The following DCC variants were observed in gnomAD, a reference collection of about 807,000 sequenced individuals.
DCC encodes netrin receptor DCC.
A neutral mutation model predicts 172.5 loss-of-function variants in DCC; 58 were observed. The ratio of observed to expected loss-of-function variants is 0.34; its 90% CI spans 0.27 to 0.42. The LOEUF (loss-of-function observed/expected upper bound fraction) is 0.42. DCC is among the 10% of genes least tolerant of loss of function. The pLI is 1.00. For missense variants in DCC, 1,740 were observed against 1,791.0 expected, an observed-to-expected ratio of 0.97 and a Z score of 0.51; for synonymous variants, 709 against 644.5, an observed-to-expected ratio of 1.10 and a Z score of -1.52.
At chr18:53,490,200 T>C (rs1295460266) in intron 26 of DCC, among the ~76,000 whole-genome samples, 1 of 151,206 alleles carries the variant, frequency 6.6e-6, no homozygotes. Context: ...ATGGAGTTCA[T>C]AGAGTAATCT....
At chr18:52,592,518 C>A (rs117007377) in intron 1 of DCC, among the ~76,000 whole-genome samples, 2,557 of 152,134 alleles carry the variant, frequency 0.017, 27 homozygotes, top group South Asian at 0.026. Flanking sequence ...TTTCTCCCGG[C>A]AAAACTGGAG....
At chr18:52,365,051 T>C (rs939071226) in intron 1 of DCC, among the ~76,000 whole-genome samples, 2 of 152,178 alleles carry the variant, frequency 1.3e-5, no homozygotes, top group African/African-American at 2.4e-5. Context: ...AATAGAAGGA[T>C]GTGTTTGAAA....
chr18:52,539,677 T>C (rs1469558744), intron 1 of DCC, among the ~76,000 whole-genome samples: 1 of 152,142 alleles, frequency 6.6e-6, no homozygotes, highest in Non-Finnish European at 1.5e-5. Flanking sequence ...CTGGTACCAA[T>C]TATATTTGGA....
At chr18:53,115,848 G>A (rs1046313577) in intron 7 of DCC, among the ~76,000 whole-genome samples, 1 of 151,450 alleles carries the variant, frequency 6.6e-6, no homozygotes, top group Non-Finnish European at 1.5e-5. Flanking sequence ...TTTTCTTTAA[G>A]ACGAATATTT....
chr18:52,687,841 C>A (rs959781294), intron 1 of DCC, among the ~76,000 whole-genome samples: 1 of 152,024 alleles, frequency 6.6e-6, no homozygotes, highest in South Asian at 2.1e-4. Context: ...GGAAACCTGA[C>A]AAACCATACT....
chr18:53,497,803 G>A (rs2144432970), intron 26 of DCC, among the ~76,000 whole-genome samples: 1 of 152,062 alleles, frequency 6.6e-6, no homozygotes, highest in Middle Eastern at 3.4e-3. Flanking sequence ...CCTTAATACT[G>A]TGCATTCATT....
chr18:53,480,483 A>G (rs2045818718), intron 25 of DCC, among the ~76,000 whole-genome samples: 1 of 152,222 alleles, frequency 6.6e-6, no homozygotes, highest in Non-Finnish European at 1.5e-5. Context: ...ATTTGAATTT[A>G]AAAACTATTA....
chr18:53,438,259 T>G (rs898288426), intron 22 of DCC, among the ~76,000 whole-genome samples: 15 of 152,114 alleles, frequency 9.9e-5, no homozygotes, highest in African/African-American at 2.9e-4. Context: ...TTGGTATGGA[T>G]GAATGAGAGA....
intron 1 of DCC, among the ~76,000 whole-genome samples, chr18:52,619,416 G>T (rs1274451408): frequency 7.9e-5 from 12 of 152,140 alleles, no homozygotes; most frequent in Non-Finnish European, 1.5e-4. Flanking sequence ...AGAGCTCTGT[G>T]CCACTCCAGT....
intron 26 of DCC, among the ~76,000 whole-genome samples, chr18:53,488,671 C>T (rs985392009): frequency 4.6e-5 from 7 of 152,104 alleles, no homozygotes; most frequent in African/African-American, 9.6e-5. Flanking sequence ...TAAAGCTCAA[C>T]GAAAATGAAT....
At chr18:52,649,470 G>A (rs532445119) in intron 1 of DCC, among the ~76,000 whole-genome samples, 1 of 151,320 alleles carries the variant, frequency 6.6e-6, no homozygotes, top group South Asian at 2.1e-4. Flanking sequence ...TATAAATGCA[G>A]TTTTGTTACA....
At chr18:52,363,322 G>A (rs1030684822) in intron 1 of DCC, among the ~76,000 whole-genome samples, 1 of 152,180 alleles carries the variant, frequency 6.6e-6, no homozygotes, top group African/African-American at 2.4e-5. Flanking sequence ...TATTTCTAGA[G>A]CTCTTATATT....
intron 7 of DCC, among the ~76,000 whole-genome samples, chr18:53,154,494 G>T (rs897463578): frequency 1.3e-5 from 2 of 152,248 alleles, no homozygotes; most frequent in East Asian, 3.9e-4. Flanking sequence ...AGAGTGACAC[G>T]ACCAGATTTA....
intron 14 of DCC, among the ~76,000 whole-genome samples, chr18:53,325,858 T>C (rs1164708481): frequency 6.6e-6 from 1 of 152,170 alleles, no homozygotes; most frequent in Non-Finnish European, 1.5e-5. Context: ...AGACAGATAA[T>C]GGCTGCACTG....
intron 1 of DCC, among the ~76,000 whole-genome samples, chr18:52,686,634 C>T (rs1461538937): frequency 6.6e-6 from 1 of 152,098 alleles, no homozygotes; most frequent in Non-Finnish European, 1.5e-5. Flanking sequence ...TTATTATGGA[C>T]AATTTCTATT....
intron 12 of DCC, among the ~76,000 whole-genome samples, chr18:53,221,451 G>C (rs1037989923): frequency 4.6e-5 from 7 of 152,168 alleles, no homozygotes; most frequent in South Asian, 4.1e-4. Context: ...AGTGTGGCTA[G>C]ATGAAAAGTG....
At chr18:52,558,556 T>C (rs1043754398) in intron 1 of DCC, among the ~76,000 whole-genome samples, 3 of 152,200 alleles carry the variant, frequency 2.0e-5, no homozygotes, top group Admixed American at 2.0e-4. Context: ...TTCCTCTATT[T>C]TGCCGTGTTC....
intron 1 of DCC, among the ~76,000 whole-genome samples, chr18:52,705,981 C>T (rs1239572284): frequency 2.0e-5 from 3 of 152,120 alleles, no homozygotes; most frequent in African/African-American, 7.2e-5. Flanking sequence ...GTCACCTGGG[C>T]AATCTGTGGA....
At chr18:52,687,164 G>A (rs1330049542) in intron 1 of DCC, among the ~76,000 whole-genome samples, 1 of 151,892 alleles carries the variant, frequency 6.6e-6, no homozygotes, top group African/African-American at 2.4e-5. Flanking sequence ...GTGTAGCAAA[G>A]ACTTCAATTT....
Sources: gnomAD v4.1 joint callset for allele counts (sites outside exome capture counted in the v4.1 genomes callset) on GRCh38, gnomAD v4.1.1 for gene constraint, MANE v1.5 for transcripts, NCBI Gene and HGNC (gene_info 2026-07-23, HGNC 2026-07-21) for gene names.